METTL25: variants seen among roughly 807,000 people sequenced by gnomAD.
METTL25 encodes probable methyltransferase-like protein 25.
Under a neutral mutation model 71.6 loss-of-function variants are expected in METTL25, and 64 were observed. That is an observed-to-expected ratio of 0.89 (90% CI 0.73 to 1.10). METTL25 has a LOEUF of 1.10. Ranked by LOEUF, METTL25 falls within the 50% of genes least tolerant of loss-of-function variation. The pLI is 0.00. For synonymous variants in METTL25, 287 were observed against 250.3 expected (o/e 1.15, Z -1.38); for missense variants, 807 against 707.0 (o/e 1.14, Z -1.60).
intron 5 of METTL25, among the ~76,000 whole-genome samples, chr12:82,410,680 A>C (rs1887490300): frequency 6.6e-6 from 1 of 152,110 alleles, no homozygotes; most frequent in Non-Finnish European, 1.5e-5. Flanking sequence ...TTTAAAGAAG[A>C]GAATGGGAAG....
chr12:82,464,349 C>T (rs942457918), intron 9 of METTL25, among the ~76,000 whole-genome samples: 5 of 152,012 alleles, frequency 3.3e-5, no homozygotes, highest in African/African-American at 9.6e-5. Context: ...GTTTTCCCAG[C>T]AACATTTATG....
intron 5 of METTL25, chr12:82,407,683 C>T (rs1421056654): frequency 1.2e-5 from 3 of 257,844 alleles, no homozygotes; most frequent in African/African-American, 4.6e-5. Flanking sequence ...ATGAAATGGG[C>T]GGGGACGTAT....
chr12:82,438,696 T>G (rs376346738), intron 7 of METTL25, 22 bp from the exon 8 acceptor site: 20 of 1,440,408 alleles, frequency 1.4e-5, no homozygotes, highest in Non-Finnish European at 1.8e-5. Flanking sequence ...CTTGTGCTTA[T>G]ATATGTCTAC....
chr12:82,407,784 G>T, intron 5 of METTL25: 1 of 981,910 alleles, frequency 1.0e-6, no homozygotes, highest in Non-Finnish European at 1.2e-6. Flanking sequence ...TAAGTGATAG[G>T]AATAATGAAA....
At chr12:82,433,800 C>A (rs141862995) in intron 6 of METTL25, among the ~76,000 whole-genome samples, 22 of 151,480 alleles carry the variant, frequency 1.5e-4, no homozygotes, top group African/African-American at 4.6e-4. Flanking sequence ...AAACCTGAAG[C>A]AAATATGGGT....
rs561655136 is a variant in METTL25, at chr12:82,434,531, G to A, written c.1375-164G>A. On this transcript the variant is annotated intron_variant, in intron 6 of 11. Coordinates refer to ENST00000248306, the MANE Select transcript of METTL25 (RefSeq NM_032230.3). ...AGCTCTAAATTACACAAGCATATTA[G>A]TTAACATTCTTTAATGATATTAACA... 2.6e-5 allele frequency among the ~76,000 whole-genome samples: 4 copies of A among 151,572 alleles called. No individual in the cohort carries two copies. In the East Asian group the frequency reaches 7.8e-4, roughly 29 times the overall value.
intron 4 of METTL25, among the ~76,000 whole-genome samples, chr12:82,402,091 G>A (rs928061420): frequency 6.6e-6 from 1 of 151,972 alleles, no homozygotes; most frequent in African/African-American, 2.4e-5. Context: ...TACTCATTGT[G>A]TATGTGTGTG....
chr12:82,435,140 T>C (rs939978971), intron 7 of METTL25, among the ~76,000 whole-genome samples: 5 of 151,504 alleles, frequency 3.3e-5, no homozygotes, highest in African/African-American at 1.2e-4. Flanking sequence ...GATTAACCAT[T>C]AGTTGCAGTG....
At chr12:82,421,984 A>G (rs1592696375) in intron 5 of METTL25, among the ~76,000 whole-genome samples, 1 of 152,346 alleles carries the variant, frequency 6.6e-6, no homozygotes, top group East Asian at 1.9e-4. Flanking sequence ...AGGTGCTGGT[A>G]CCATTCCTTC....
At chr12:82,369,093 CTGTT>C (rs1241074056) in intron 1 of METTL25, among the ~76,000 whole-genome samples, 4 of 152,084 alleles carry the variant, frequency 2.6e-5, no homozygotes, top group African/African-American at 9.7e-5. Context: ...TCATGGTATC[CTGTT>C]TGTTTAGAGC....
intron 8 of METTL25, among the ~76,000 whole-genome samples, chr12:82,453,280 T>G (rs1891273548): frequency 6.6e-6 from 1 of 152,194 alleles, no homozygotes; most frequent in Non-Finnish European, 1.5e-5. Flanking sequence ...ATAGCTTTTC[T>G]GTAAGAATAT....
At chr12:82,362,807 C>T (rs1446120675) in intron 1 of METTL25, among the ~76,000 whole-genome samples, 2 of 152,134 alleles carry the variant, frequency 1.3e-5, no homozygotes, top group African/African-American at 4.8e-5. Context: ...AGGGACATTT[C>T]AAGGAACAGT....
chr12:82,478,993 A>C lies in METTL25; in HGVS notation c.1781A>C (p.Tyr594Ser). The change falls in exon 12 of 12, where the codon TAT (tyrosine) becomes TCT (serine). Residue 594 changes from tyrosine to serine, a missense_variant. Transcript: ENST00000248306. ...GATCCCGTGAAATCTCCCAGATGTT[A>C]TGCTGTTATTGCCCTGAAGAAGCAG... ...LFDPVKSPRC[Y>S]AVIALKKQQ The C allele has an allele frequency of 1.2e-6, 2 of 1,612,822 alleles. No individual in the cohort carries two copies. The highest frequency in any genetic ancestry group is 1.7e-6 in the Non-Finnish European group (2 of 1,179,072).
intron 3 of METTL25, among the ~76,000 whole-genome samples, chr12:82,393,524 T>G (rs963906360): frequency 6.6e-6 from 1 of 152,028 alleles, no homozygotes; most frequent in African/African-American, 2.4e-5. Context: ...CGTTTTTTGA[T>G]CGAGTCAGTT....
At chr12:82,403,510 C>A (rs1453448888) in intron 5 of METTL25, among the ~76,000 whole-genome samples, 1 of 152,026 alleles carries the variant, frequency 6.6e-6, no homozygotes, top group Non-Finnish European at 1.5e-5. Flanking sequence ...GCTTTTGTTT[C>A]CAAAGCCTTT....
chr12:82,387,913 TCTTTA>T (rs1232432063), intron 2 of METTL25, among the ~76,000 whole-genome samples: 7 of 152,132 alleles, frequency 4.6e-5, no homozygotes, highest in African/African-American at 1.4e-4. Flanking sequence ...TATTCAAGTT[TCTTTA>T]CTTTTTCCAA....
chr12:82,364,831 T>C (rs1882375661), intron 1 of METTL25, among the ~76,000 whole-genome samples: 1 of 152,180 alleles, frequency 6.6e-6, no homozygotes, highest in Non-Finnish European at 1.5e-5. Flanking sequence ...TAAACAAATA[T>C]ATTTTTTGCC....
intron 5 of METTL25, among the ~76,000 whole-genome samples, chr12:82,429,108 C>G (rs1889271074): frequency 6.6e-6 from 1 of 151,628 alleles, no homozygotes; most frequent in Non-Finnish European, 1.5e-5. Context: ...CTATAGCTAC[C>G]TTGCTGTGCT....
At chr12:82,445,488 G>A (rs569099336) in intron 8 of METTL25, among the ~76,000 whole-genome samples, 35 of 152,084 alleles carry the variant, frequency 2.3e-4, no homozygotes, top group African/African-American at 6.5e-4. Flanking sequence ...GCGAGTATTC[G>A]TTTAAAACAC....
Sources: allele counts gnomAD v4.1 joint callset (sites outside exome capture counted in the v4.1 genomes callset), GRCh38; gene constraint gnomAD v4.1.1; transcripts MANE v1.5; gene names NCBI Gene and HGNC (gene_info 2026-07-23, HGNC 2026-07-21).